The following TENM3 variants were observed in gnomAD, a reference collection of about 807,000 sequenced individuals.
TENM3 encodes teneurin transmembrane protein 3.
A neutral mutation model predicts 255.1 loss-of-function variants in TENM3; 63 were observed. The ratio of observed to expected loss-of-function variants is 0.25; its 90% confidence interval spans 0.20 to 0.30. TENM3 has a LOEUF of 0.30. Among genes scored for constraint, TENM3 ranks in the 10% least tolerant of loss-of-function variants. TENM3 has a pLI of 1.00. For missense variants in TENM3, 2,929 were observed against 3,461.1 expected (o/e 0.85, Z 3.86); for synonymous variants, 1,306 against 1,322.3 (o/e 0.99, Z 0.27).
At chr4:182,588,277 AG>A (rs1407641922) in intron 3 of TENM3, among the ~76,000 whole-genome samples, 7 of 152,162 alleles carry the variant, frequency 4.6e-5, no homozygotes, top group Admixed American at 1.3e-4. Context: ...TTCCTTTTGT[AG>A]TACTCTTCTA....
At chr4:182,462,477 C>G (rs1732122927) in intron 3 of TENM3, among the ~76,000 whole-genome samples, 1 of 151,578 alleles carries the variant, frequency 6.6e-6, no homozygotes, top group Non-Finnish European at 1.5e-5. Context: ...TATTTTTCAG[C>G]AGCCCTCCTC....
At chr4:181,793,927 C>A in the TENM3 span, among the ~76,000 whole-genome samples, 3 of 152,038 alleles carry the variant, frequency 2.0e-5, no homozygotes, top group Admixed American at 6.6e-5. Flanking sequence ...AGGGCTGGTC[C>A]TATAGTCCTT....
chr4:181,826,171 T>C, the TENM3 span, among the ~76,000 whole-genome samples: 4 of 152,164 alleles, frequency 2.6e-5, no homozygotes, highest in African/African-American at 7.2e-5. Context: ...TAACTTGTAA[T>C]AAAATTTCCA....
the TENM3 span, among the ~76,000 whole-genome samples, chr4:181,712,127 G>A: frequency 6.6e-6 from 1 of 152,116 alleles, no homozygotes; most frequent in African/African-American, 2.4e-5. Context: ...TCAGTGCACA[G>A]TCAATAGCAA....
intron 1 of TENM3, among the ~76,000 whole-genome samples, chr4:182,152,712 T>C (rs1750425677): frequency 6.6e-6 from 1 of 150,582 alleles, no homozygotes; most frequent in East Asian, 2.0e-4. Flanking sequence ...GTCAACACTT[T>C]ACTAAAGATA....
At chr4:182,555,781 A>C (rs939919479) in intron 3 of TENM3, among the ~76,000 whole-genome samples, 2 of 151,756 alleles carry the variant, frequency 1.3e-5, no homozygotes, top group Non-Finnish European at 2.9e-5. Context: ...GCTTTTTTAA[A>C]TTTCCTGAAA....
rs747026270 is a variant in TENM3, at chr4:182,793,440, C to T, written c.6768C>T (p.Pro2256=). 1.2e-6 allele frequency: 2 copies of T among 1,613,930 alleles called. No homozygotes were observed. The highest frequency in any genetic ancestry group is 8.5e-7 in the Non-Finnish European group (1 of 1,179,872). Residue 2256 remains proline, a synonymous_variant, in exon 26 of 28, where the codon CCC becomes CCT. Coordinates refer to ENST00000511685, the MANE Select transcript of TENM3 (RefSeq NM_001080477.4). This position sits in a 1 kb window ranked among gnomAD's most constrained non-coding sequence, Gnocchi z 5.7. Reference sequence around the variant, plus strand: ...TTTTTTATGCTGACTTAACTTATCCCACTAGGATTACTCATGTCTACAACC... The same window carrying T: ...TTTTTTATGCTGACTTAACTTATCCTACTAGGATTACTCATGTCTACAACC... ...LQFFYADLTY[P]TRITHVYNHS...
chr4:181,558,207 G>T, the TENM3 span, among the ~76,000 whole-genome samples: 1 of 152,180 alleles, frequency 6.6e-6, no homozygotes, highest in East Asian at 1.9e-4. Context: ...TCAGACAAGA[G>T]TCTCACTTGA....
chr4:182,112,307 T>G, the TENM3 span, among the ~76,000 whole-genome samples: 11 of 152,160 alleles, frequency 7.2e-5, no homozygotes, highest in Non-Finnish European at 1.3e-4. Flanking sequence ...GGGCAGTTTC[T>G]CAGCCACATT....
the TENM3 span, among the ~76,000 whole-genome samples, chr4:182,075,200 CTT>C: frequency 3.1e-5 from 4 of 128,184 alleles, no homozygotes; most frequent in Admixed American, 8.2e-5. Flanking sequence ...TGTTTTTTTT[CTT>C]TTTTTTTTTT....
chr4:182,098,175 G>A, the TENM3 span, among the ~76,000 whole-genome samples: 19 of 152,214 alleles, frequency 1.2e-4, no homozygotes, highest in South Asian at 6.2e-4. Context: ...TCAAAAAGAC[G>A]AATAATAACA....
chr4:181,555,119 A>T, the TENM3 span, among the ~76,000 whole-genome samples: 1,787 of 152,340 alleles, frequency 0.012, 38 homozygotes, highest in African/African-American at 0.04. Context: ...GAGTGCTAAC[A>T]TTTATTGAGT....
At chr4:181,532,759 G>A in the TENM3 span, among the ~76,000 whole-genome samples, 1 of 152,086 alleles carries the variant, frequency 6.6e-6, no homozygotes, top group East Asian at 1.9e-4. Context: ...TATTTTACAA[G>A]AATGACCATA....
chr4:182,331,766 G>A (rs1445206763), intron 2 of TENM3, among the ~76,000 whole-genome samples: 1 of 152,086 alleles, frequency 6.6e-6, no homozygotes, highest in African/African-American at 2.4e-5. Flanking sequence ...GGATAAAAAG[G>A]ACCACTGGGT....
chr4:181,696,684 C>T, the TENM3 span, among the ~76,000 whole-genome samples: 1,800 of 152,284 alleles, frequency 0.012, 18 homozygotes, highest in African/African-American at 0.033. Flanking sequence ...TAAGACTGTA[C>T]GCACTCACTA....
intron 1 of TENM3, among the ~76,000 whole-genome samples, chr4:182,161,376 A>C (rs1470740555): frequency 8.9e-6 from 1 of 112,602 alleles, no homozygotes; most frequent in Non-Finnish European, 1.8e-5. Flanking sequence ...AGATCGCGCC[A>C]CTGCACTCCA....
At chr4:182,601,804 C>A (rs1218204908) in intron 4 of TENM3, among the ~76,000 whole-genome samples, 1 of 152,200 alleles carries the variant, frequency 6.6e-6, no homozygotes, top group East Asian at 1.9e-4. Context: ...AAACTTCCAT[C>A]CTCTGACTGT....
At chr4:182,501,203 T>TC (rs1287847170) in intron 3 of TENM3, among the ~76,000 whole-genome samples, 1 of 152,116 alleles carries the variant, frequency 6.6e-6, no homozygotes, top group African/African-American at 2.4e-5. Flanking sequence ...TATCTTTAGT[T>TC]CAACAGCGGC....
intron 1 of TENM3, among the ~76,000 whole-genome samples, chr4:182,265,412 G>C (rs1283421444): frequency 6.6e-6 from 1 of 152,106 alleles, no homozygotes; most frequent in Non-Finnish European, 1.5e-5. Context: ...TGACAAAATG[G>C]GCTGATTGGC....
Sources: gnomAD v4.1 joint callset for allele counts (sites outside exome capture counted in the v4.1 genomes callset) on GRCh38, gnomAD v4.1.1 for gene constraint, Gnocchi (gnomAD v3.1) non-coding constraint, MANE v1.5 for transcripts, NCBI Gene and HGNC (gene_info 2026-07-23, HGNC 2026-07-21) for gene names.